ASTN2: variants seen among roughly 807,000 people sequenced by gnomAD.
The protein encoded by ASTN2 is astrotactin-2.
ASTN2 carries 54 observed loss-of-function variants against 139.8 expected under a neutral mutation model. That is an observed-to-expected ratio of 0.39 (90% CI 0.31 to 0.48). The LOEUF (loss-of-function observed/expected upper bound fraction) is 0.48. ASTN2 is among the 20% of genes least tolerant of loss of function. The pLI is 0.95. For synonymous variants in ASTN2, 756 were observed against 719.5 expected, an observed-to-expected ratio of 1.05 and a Z score of -0.81; for missense variants, 1,565 against 1,725.1, an observed-to-expected ratio of 0.91 and a Z score of 1.64.
intron 19 of ASTN2, among the ~76,000 whole-genome samples, chr9:116,548,722 C>A (rs1852212000): frequency 1.3e-5 from 2 of 152,144 alleles, no homozygotes; most frequent in African/African-American, 4.8e-5. Context: ...GATCCACCGG[C>A]CTCAGCCTCC....
At position 116,425,192 on chromosome 9, in the gene ASTN2, A is replaced by G. The variant is rs1284579485; in HGVS notation, c.*659T>C. 1 of 258,128 alleles carries G rather than the reference A, an allele frequency of 3.9e-6. No homozygotes were observed. Among genetic ancestry groups the G allele is most frequent in the Non-Finnish European group, 7.3e-6 (1 of 136,524 alleles). 16.0% of individuals were successfully genotyped at this position (258,128 alleles called of 1,614,324 possible). ...GTGAATAAACAGAGGTCTCTCAAGC[A>G]CATTCCCTTGGTAAGAAATACCACC... On this transcript the variant is annotated 3_prime_UTR_variant, in exon 23 of 23. Coordinates refer to ENST00000313400, the MANE Select transcript of ASTN2 (RefSeq NM_001365068.1).
chr9:116,525,414 C>A (rs1449090895), intron 19 of ASTN2, among the ~76,000 whole-genome samples: 8 of 152,146 alleles, frequency 5.3e-5, no homozygotes, highest in Non-Finnish European at 1.0e-4. Flanking sequence ...GAGGAAGCAC[C>A]AGAGCATGGG....
At chr9:116,617,755 G>A (rs759277952) in intron 19 of ASTN2, among the ~76,000 whole-genome samples, 3 of 152,194 alleles carry the variant, frequency 2.0e-5, no homozygotes, top group Non-Finnish European at 2.9e-5. Flanking sequence ...CCCCAGTACA[G>A]ATCACAGGTG....
intron 11 of ASTN2, among the ~76,000 whole-genome samples, chr9:116,831,536 T>C (rs532035330): frequency 2.0e-5 from 3 of 152,146 alleles, no homozygotes; most frequent in Non-Finnish European, 2.9e-5. Context: ...CTTTCTCTCA[T>C]AGAATTTACA....
intron 5 of ASTN2, among the ~76,000 whole-genome samples, chr9:117,094,187 GA>G (rs796242883): frequency 1.2e-4 from 5 of 41,814 alleles, no homozygotes; most frequent in Non-Finnish European, 1.6e-4. Context: ...AGGGAGGGAG[GA>G]GAGGAGAGGA....
At chr9:117,077,971 T>C (rs1038856535) in intron 5 of ASTN2, among the ~76,000 whole-genome samples, 1 of 152,220 alleles carries the variant, frequency 6.6e-6, no homozygotes, top group Non-Finnish European at 1.5e-5. Flanking sequence ...ACACTCAGAA[T>C]TGTCTTGCTT....
At chr9:117,372,928 G>A (rs552158342) in intron 1 of ASTN2, among the ~76,000 whole-genome samples, 20 of 152,164 alleles carry the variant, frequency 1.3e-4, no homozygotes, top group African/African-American at 3.6e-4. Context: ...CTTGATTCTC[G>A]TGGTTCTAAC....
chr9:116,752,382 AT>A, intron 13 of ASTN2, among the ~76,000 whole-genome samples: 1 of 152,214 alleles, frequency 6.6e-6, no homozygotes, highest in Non-Finnish European at 1.5e-5. Flanking sequence ...AAAAATAAAA[AT>A]AACTCAAAAT....
rs1848909690 is a variant in ASTN2 at position 116,474,291 on chromosome 9, G to GGTT, written c.3497+13067_3497+13068insAAC. Among the ~76,000 whole-genome samples, 3 of 152,258 alleles carry GGTT rather than the reference G, an allele frequency of 2.0e-5. No homozygotes were observed. In the South Asian group the frequency reaches 6.2e-4, roughly 32 times the overall value. ...TCTGCTCTGCCTGTCTGGGTGACCT[G>GGTT]GGTCAAGCCCTATCTCCTCCCTGGG... On this transcript the variant is annotated intron_variant, in intron 20 of 22. Coordinates refer to ENST00000313400, the MANE Select transcript of ASTN2 (RefSeq NM_001365068.1).
At chr9:117,016,604 C>A (rs7467093) in intron 6 of ASTN2, among the ~76,000 whole-genome samples, 10,940 of 20,606 alleles carry the variant, frequency 0.53, 2,036 homozygotes, top group Middle Eastern at 0.66. Context: ...ATATATATAT[C>A]TATATCTATA....
chr9:116,745,435 A>G (rs1290870190), intron 13 of ASTN2, among the ~76,000 whole-genome samples: 1 of 152,168 alleles, frequency 6.6e-6, no homozygotes, highest in Admixed American at 6.5e-5. Flanking sequence ...TCCTTCAGGA[A>G]GCTGTCACTG....
At chr9:116,686,587 T>G in intron 16 of ASTN2, 2 of 1,118,724 alleles carry the variant, frequency 1.8e-6, no homozygotes, top group Non-Finnish European at 2.6e-6. Flanking sequence ...CCTTGCCAGA[T>G]GCCTAGTGCC....
intron 16 of ASTN2, chr9:116,697,450 A>G (rs1860920327): frequency 2.5e-6 from 1 of 400,324 alleles, no homozygotes; most frequent in South Asian, 2.5e-5. Flanking sequence ...GTCTGAGACT[A>G]CAGAATCTGA....
chr9:117,043,393 C>T (rs183664884), intron 5 of ASTN2, among the ~76,000 whole-genome samples: 1 of 152,100 alleles, frequency 6.6e-6, no homozygotes, highest in Non-Finnish European at 1.5e-5. Context: ...TCATTCCTGG[C>T]CCACACAGCA....
chr9:116,964,268 C>T (rs950693782), intron 10 of ASTN2, among the ~76,000 whole-genome samples: 9 of 146,210 alleles, frequency 6.2e-5, no homozygotes, highest in South Asian at 2.2e-4. Context: ...CGCGCGCGCG[C>T]GTGTGTGTTG....
At chr9:117,104,895 T>C (rs1829066707) in intron 4 of ASTN2, among the ~76,000 whole-genome samples, 1 of 152,090 alleles carries the variant, frequency 6.6e-6, no homozygotes, top group Non-Finnish European at 1.5e-5. Flanking sequence ...CAGAGGGGGA[T>C]CATTCCATCA....
intron 1 of ASTN2, among the ~76,000 whole-genome samples, chr9:117,319,090 C>T (rs1050366115): frequency 3.9e-5 from 6 of 152,172 alleles, no homozygotes; most frequent in African/African-American, 1.2e-4. Flanking sequence ...CCATTTATTC[C>T]GATAAGATTG....
intron 7 of ASTN2, among the ~76,000 whole-genome samples, chr9:116,988,452 T>C (rs1836744869): frequency 6.6e-6 from 1 of 152,132 alleles, no homozygotes; most frequent in Admixed American, 6.5e-5. Flanking sequence ...AAAAGGAAAA[T>C]ACCAAGAGAT....
intron 20 of ASTN2, among the ~76,000 whole-genome samples, chr9:116,475,285 G>A (rs1335231765): frequency 6.6e-6 from 1 of 152,102 alleles, no homozygotes; most frequent in Non-Finnish European, 1.5e-5. Context: ...CTAATTTACT[G>A]CAGTCCTCAC....
Sources: gnomAD v4.1 joint callset for allele counts (sites outside exome capture counted in the v4.1 genomes callset) on GRCh38, gnomAD v4.1.1 for gene constraint, MANE v1.5 for transcripts, NCBI Gene and HGNC (gene_info 2026-07-23, HGNC 2026-07-21) for gene names.